Variants in PTPRD observed in about 807,000 individuals in gnomAD.
PTPRD encodes the protein protein tyrosine phosphatase receptor type D.
PTPRD carries 34 observed loss-of-function variants against 214.5 expected under a neutral mutation model. That is an observed-to-expected ratio of 0.16 (90% CI 0.12 to 0.21). PTPRD has a LOEUF of 0.21. Ranked by LOEUF, PTPRD falls within the 10% of genes least tolerant of loss-of-function variation. PTPRD has a pLI of 1.00. For missense variants in PTPRD, 2,545 were observed against 2,398.7 expected, an observed-to-expected ratio of 1.06 and a Z score of -1.27; for synonymous variants, 1,128 against 845.7, an observed-to-expected ratio of 1.33 and a Z score of -5.79.
intron 12 of PTPRD, among the ~76,000 whole-genome samples, chr9:8,729,940 C>A (rs562765919): frequency 6.6e-6 from 1 of 152,230 alleles, no homozygotes; most frequent in African/African-American, 2.4e-5. Flanking sequence ...GAGGGACTCA[C>A]TGCTTCCATA....
At chr9:10,577,958 C>A (rs1425827709) in intron 2 of PTPRD, among the ~76,000 whole-genome samples, 1 of 150,242 alleles carries the variant, frequency 6.7e-6, no homozygotes, top group Non-Finnish European at 1.5e-5. Flanking sequence ...GTCACCCAGG[C>A]TGGAGTGCAA....
At chr9:8,324,811 T>C (rs7033267) in intron 44 of PTPRD, among the ~76,000 whole-genome samples, 19,748 of 150,320 alleles carry the variant, frequency 0.13, 1,591 homozygotes, top group African/African-American at 0.23. Context: ...TGTAAGATGG[T>C]ATCTCATTGT....
intron 11 of PTPRD, among the ~76,000 whole-genome samples, chr9:8,805,543 G>A (rs2154520488): frequency 6.6e-6 from 1 of 151,286 alleles, no homozygotes; most frequent in African/African-American, 2.4e-5. Context: ...AGACAGAATA[G>A]GAAAATCTTT....
chr9:8,547,564 G>T (rs574208539), intron 14 of PTPRD, among the ~76,000 whole-genome samples: 134 of 151,436 alleles, frequency 8.8e-4, no homozygotes, highest in African/African-American at 3.1e-3. Context: ...AATTGCTTGG[G>T]CCCAGGAGGT....
intron 12 of PTPRD, among the ~76,000 whole-genome samples, chr9:8,696,959 TTAG>T (rs1191892560): frequency 1.4e-5 from 2 of 145,448 alleles, no homozygotes; most frequent in Non-Finnish European, 3.0e-5. Context: ...TTTCTTCATT[TTAG>T]TTTTCTCTTT....
At chr9:8,343,225 C>G (rs1854219336) in intron 39 of PTPRD, among the ~76,000 whole-genome samples, 1 of 152,018 alleles carries the variant, frequency 6.6e-6, no homozygotes, top group Non-Finnish European at 1.5e-5. Context: ...CATACAGGAG[C>G]TCTGTGGTTT....
chr9:8,758,975 G>A (rs558471407), intron 11 of PTPRD, among the ~76,000 whole-genome samples: 13 of 150,932 alleles, frequency 8.6e-5, no homozygotes, highest in African/African-American at 2.7e-4. Flanking sequence ...GTGAGCCACC[G>A]CACCTGGCCT....
intron 5 of PTPRD, among the ~76,000 whole-genome samples, chr9:9,815,227 G>A (rs1046528070): frequency 2.0e-5 from 3 of 152,010 alleles, no homozygotes; most frequent in African/African-American, 4.8e-5. Flanking sequence ...ATATAAGGTC[G>A]GCTAATCTTT....
At chr9:9,038,448 C>T (rs13294068) in intron 10 of PTPRD, among the ~76,000 whole-genome samples, 170 of 151,890 alleles carry the variant, frequency 1.1e-3, no homozygotes, top group African/African-American at 3.8e-3. Flanking sequence ...AACATGTACA[C>T]GAACATGTAT....
chr9:9,683,401 G>A (rs1028843348), intron 7 of PTPRD, among the ~76,000 whole-genome samples: 4 of 151,686 alleles, frequency 2.6e-5, no homozygotes, highest in Non-Finnish European at 4.4e-5. Context: ...GAGATTTGGA[G>A]ACAGATACCA....
At chr9:8,523,652 T>C in intron 18 of PTPRD, 128 bp from the exon 19 acceptor site, 4 of 951,914 alleles carry the variant, frequency 4.2e-6, no homozygotes, top group Non-Finnish European at 6.4e-6. Context: ...CTTTATTCGC[T>C]CTAGTTCATC....
intron 36 of PTPRD, among the ~76,000 whole-genome samples, chr9:8,395,539 A>C (rs12005453): frequency 0.05 from 7,584 of 152,154 alleles, 661 homozygotes; most frequent in African/African-American, 0.17. Context: ...TACCAAATAA[A>C]GCAAACATTT....
At chr9:9,894,060 T>C (rs2074229552) in intron 5 of PTPRD, among the ~76,000 whole-genome samples, 1 of 152,086 alleles carries the variant, frequency 6.6e-6, no homozygotes, top group East Asian at 1.9e-4. Flanking sequence ...ATGTACTTCC[T>C]GCCTTTCCTT....
intron 4 of PTPRD, among the ~76,000 whole-genome samples, chr9:9,954,973 T>G (rs1391054369): frequency 1.3e-5 from 2 of 152,140 alleles, no homozygotes; most frequent in African/African-American, 4.8e-5. Flanking sequence ...TCAGCTCACT[T>G]TATAAATAAT....
chr9:9,549,045 T>C (rs768207031), intron 8 of PTPRD, among the ~76,000 whole-genome samples: 5 of 152,106 alleles, frequency 3.3e-5, no homozygotes, highest in Non-Finnish European at 7.4e-5. Context: ...CTTCAGAATA[T>C]ATCTCTTTTC....
In PTPRD at chr9:8,415,468, C is replaced by A. The variant is rs1393134842; in HGVS notation, c.4087-10808G>T. Among the ~76,000 whole-genome samples the A allele has an allele frequency of 2.6e-5, 4 of 152,056 alleles. No individual in the cohort carries two copies. In the East Asian group the frequency reaches 7.7e-4, roughly 29 times the overall value. On this transcript the variant is annotated intron_variant, in intron 35 of 45. Transcript: ENST00000381196. ...CATGATTTTTAATCTTGTATATCAC[C>A]TATAATATTTTATAATATTTAAGGC...
chr9:10,176,956 C>A (rs2099252219), intron 3 of PTPRD, among the ~76,000 whole-genome samples: 1 of 151,926 alleles, frequency 6.6e-6, no homozygotes, highest in Non-Finnish European at 1.5e-5. Flanking sequence ...TGCATGGTAG[C>A]TCTCTTATAC....
chr9:8,472,746 A>G (rs901305019), intron 30 of PTPRD, among the ~76,000 whole-genome samples: 16 of 152,090 alleles, frequency 1.1e-4, no homozygotes, highest in African/African-American at 3.9e-4. Context: ...CCTGCTTTTT[A>G]TTTTTTCACT....
chr9:8,463,733 C>CTT (rs1349630796), intron 32 of PTPRD, among the ~76,000 whole-genome samples: 3 of 151,852 alleles, frequency 2.0e-5, no homozygotes, highest in Non-Finnish European at 4.4e-5. Flanking sequence ...ATCTGACATT[C>CTT]TTAATATGAG....
Sources: allele counts gnomAD v4.1 joint callset (sites outside exome capture counted in the v4.1 genomes callset), GRCh38; gene constraint gnomAD v4.1.1; transcripts MANE v1.5; gene names NCBI Gene and HGNC (gene_info 2026-07-23, HGNC 2026-07-21).